SORCS2: variants seen among roughly 807,000 people sequenced by gnomAD.
SORCS2 encodes the protein sortilin related VPS10 domain containing receptor 2.
Under a neutral mutation model 141.6 loss-of-function variants are expected in SORCS2, and 100 were observed. The observed-to-expected ratio is 0.71, with a 90% CI of 0.60 to 0.83. The LOEUF is 0.83. Ranked by LOEUF, SORCS2 falls within the 40% of genes least tolerant of loss-of-function variation. SORCS2 has a pLI of 0.00. For synonymous variants in SORCS2, 789 were observed against 676.9 expected, an observed-to-expected ratio of 1.17 and a Z score of -2.57; for missense variants, 1,646 against 1,560.2, an observed-to-expected ratio of 1.05 and a Z score of -0.93.
intron 9 of SORCS2, among the ~76,000 whole-genome samples, chr4:7,681,686 C>G (rs1395821066): frequency 6.6e-6 from 1 of 152,218 alleles, no homozygotes; most frequent in Non-Finnish European, 1.5e-5. Context: ...GTTTCATCAT[C>G]ATGGCTGCTG....
chr4:7,405,582 G>C (rs1193443807), intron 2 of SORCS2, among the ~76,000 whole-genome samples: 2 of 151,874 alleles, frequency 1.3e-5, no homozygotes, highest in Non-Finnish European at 2.9e-5. Flanking sequence ...AAATTTATTT[G>C]TAGGTATTTT....
intron 2 of SORCS2, among the ~76,000 whole-genome samples, chr4:7,505,503 G>A (rs1732223312): frequency 6.6e-6 from 1 of 152,154 alleles, no homozygotes; most frequent in African/African-American, 2.4e-5. Flanking sequence ...GAGACATCTG[G>A]GGGTCCCCCA....
At chr4:7,484,361 C>A (rs1730843675) in intron 2 of SORCS2, among the ~76,000 whole-genome samples, 1 of 152,164 alleles carries the variant, frequency 6.6e-6, no homozygotes, top group Admixed American at 6.5e-5. Flanking sequence ...CCAAAGTAAC[C>A]TGCGTGGTAT....
intron 1 of SORCS2, among the ~76,000 whole-genome samples, chr4:7,376,571 T>C (rs6847211): frequency 0.63 from 96,155 of 152,026 alleles, 31,177 homozygotes; most frequent in East Asian, 0.94. Flanking sequence ...AGCAAGACTC[T>C]GTCTCAAAAC....
At position 7,664,729 on chromosome 4, in the gene SORCS2, G is replaced by A. The variant is rs1267436673; in HGVS notation, c.1071+258G>A. 3.3e-5 allele frequency among the ~76,000 whole-genome samples: 5 copies of A among 152,062 alleles called. No individual in the cohort carries two copies. The highest frequency in any genetic ancestry group is 6.5e-5 in the Admixed American group (1 of 15,268). On this transcript the variant is annotated intron_variant, in intron 7 of 26. Coordinates refer to ENST00000507866, the MANE Select transcript of SORCS2 (RefSeq NM_020777.3). This position sits in a 1 kb window ranked among gnomAD's most constrained non-coding sequence, Gnocchi z 4.7. Reference sequence around the variant, plus strand: ...GCCACCACGAACCTCCCAGCCACTCGGGGTCCCCAAACCTAAGCCCATTTA... The same window carrying A: ...GCCACCACGAACCTCCCAGCCACTCAGGGTCCCCAAACCTAAGCCCATTTA...
intron 3 of SORCS2, among the ~76,000 whole-genome samples, chr4:7,555,574 G>A (rs28687792): frequency 1.3e-5 from 2 of 152,226 alleles, no homozygotes; most frequent in Admixed American, 6.5e-5. Flanking sequence ...TAGTGTCAGG[G>A]TTGGGTATCG....
chr4:7,582,644 A>G (rs1716236365), intron 3 of SORCS2, among the ~76,000 whole-genome samples: 1 of 151,428 alleles, frequency 6.6e-6, no homozygotes. Context: ...TTGTAAAAAA[A>G]TAAATAAATA....
At chr4:7,348,459 C>T (rs1720760482) in intron 1 of SORCS2, among the ~76,000 whole-genome samples, 1 of 152,184 alleles carries the variant, frequency 6.6e-6, no homozygotes, top group South Asian at 2.1e-4. Context: ...TCATCAGCCT[C>T]CACTTTATAG....
chr4:7,497,188 C>T (rs1297426486), intron 2 of SORCS2, among the ~76,000 whole-genome samples: 1 of 152,258 alleles, frequency 6.6e-6, no homozygotes, highest in Non-Finnish European at 1.5e-5. Context: ...GCCCCTGCCA[C>T]ACTCTGGTGT....
At chr4:7,337,262 G>A (rs545283010) in intron 1 of SORCS2, among the ~76,000 whole-genome samples, 21 of 152,172 alleles carry the variant, frequency 1.4e-4, no homozygotes, top group Non-Finnish European at 2.9e-4. Context: ...CTTATGGGGA[G>A]ACCTGACGGG....
chr4:7,455,113 CTG>C (rs1324695271), intron 2 of SORCS2, among the ~76,000 whole-genome samples: 1 of 65,172 alleles, frequency 1.5e-5, no homozygotes. Flanking sequence ...GGGTCAGGAG[CTG>C]TGTGTTGGGG....
intron 2 of SORCS2, among the ~76,000 whole-genome samples, chr4:7,489,822 G>A (rs939116704): frequency 1.3e-5 from 2 of 152,178 alleles, no homozygotes; most frequent in African/African-American, 4.8e-5. Context: ...GTGAGTTGTG[G>A]TTCCTATTCT....
chr4:7,342,686 A>G (rs1340357765), intron 1 of SORCS2, among the ~76,000 whole-genome samples: 4 of 152,154 alleles, frequency 2.6e-5, no homozygotes, highest in Non-Finnish European at 5.9e-5. Flanking sequence ...TCCCTTCAGG[A>G]CTTCCGAGGC....
intron 1 of SORCS2, among the ~76,000 whole-genome samples, chr4:7,263,372 A>G (rs1395056997): frequency 6.6e-6 from 1 of 152,126 alleles, no homozygotes; most frequent in Non-Finnish European, 1.5e-5. Context: ...AGCCTGGAGG[A>G]GCAGGAAGGA....
intron 2 of SORCS2, among the ~76,000 whole-genome samples, chr4:7,488,011 C>G (rs1731098484): frequency 6.6e-6 from 1 of 152,198 alleles, no homozygotes; most frequent in Non-Finnish European, 1.5e-5. Flanking sequence ...GTCACCGCCT[C>G]CAGGAGCGTA....
chr4:7,568,652 G>T (rs1299332075), intron 3 of SORCS2, among the ~76,000 whole-genome samples: 2 of 152,168 alleles, frequency 1.3e-5, no homozygotes, highest in Admixed American at 6.5e-5. Context: ...ACTGGTAATT[G>T]GTGCAGGATC....
intron 2 of SORCS2, among the ~76,000 whole-genome samples, chr4:7,425,190 G>T (rs919726444): frequency 6.6e-6 from 1 of 152,204 alleles, no homozygotes. Flanking sequence ...AGGAGCCTCC[G>T]TTTTCGGTTT....
At chr4:7,725,126 T>C in intron 19 of SORCS2, 28 bp from the exon 20 acceptor site, 1 of 1,608,706 alleles carries the variant, frequency 6.2e-7, no homozygotes. Flanking sequence ...TGATATCATC[T>C]AACCCTGGCC....
intron 14 of SORCS2, among the ~76,000 whole-genome samples, chr4:7,711,273 A>C (rs1725810563): frequency 6.6e-6 from 1 of 152,236 alleles, no homozygotes; most frequent in East Asian, 1.9e-4. Context: ...CCGTGGAGCC[A>C]AATCTTCAAA....
Sources: gnomAD v4.1 joint callset for allele counts (sites outside exome capture counted in the v4.1 genomes callset) on GRCh38, gnomAD v4.1.1 for gene constraint, Gnocchi (gnomAD v3.1) non-coding constraint, MANE v1.5 for transcripts, NCBI Gene and HGNC (gene_info 2026-07-23, HGNC 2026-07-21) for gene names.